IQCM: variants seen among roughly 807,000 people sequenced by gnomAD.
IQCM encodes IQ motif containing M.
Under a neutral mutation model 57.6 loss-of-function variants are expected in IQCM, and 45 were observed. The ratio of observed to expected loss-of-function variants is 0.78; its 90% CI spans 0.62 to 1.00. The LOEUF (loss-of-function observed/expected upper bound fraction) is 1.00. Among genes scored for constraint, IQCM ranks in the 50% least tolerant of loss-of-function variants. The pLI, the probability that IQCM is intolerant of heterozygous loss-of-function variation, is 0.00. For synonymous variants in IQCM, 148 were observed against 158.9 expected (o/e 0.93, Z 0.51); for missense variants, 468 against 511.6 (o/e 0.91, Z 0.82).
chr4:149,451,226 T>C lies in IQCM; in HGVS notation c.1229-17669A>G, dbSNP rs185855971. ...GGGTCAGGGGAGATGGGGTGATTAA[T>C]GGGTACAAAAAAATAAAAAGAATAA... On this transcript the variant is annotated intron_variant, in intron 12 of 13. Coordinates refer to ENST00000636793, the MANE Select transcript of IQCM (RefSeq NM_001363507.2). Among the ~76,000 whole-genome samples, 11 of 151,804 alleles carry C rather than the reference T, an allele frequency of 7.2e-5. No individual in the cohort carries two copies. In the East Asian group the frequency reaches 1.7e-3, roughly 24 times the overall value.
chr4:149,629,018 A>C (rs1329395574), intron 7 of IQCM, among the ~76,000 whole-genome samples: 1 of 152,202 alleles, frequency 6.6e-6, no homozygotes, highest in Non-Finnish European at 1.5e-5. Flanking sequence ...TTTGCTCAGA[A>C]AACACTTAAC....
chr4:149,474,671 C>G (rs1016635719), intron 12 of IQCM, among the ~76,000 whole-genome samples: 1 of 151,562 alleles, frequency 6.6e-6, no homozygotes, highest in East Asian at 1.9e-4. Context: ...GAGCCGAGAT[C>G]GTGTCCTTGT....
chr4:149,619,174 T>G (rs1756091856), intron 8 of IQCM, among the ~76,000 whole-genome samples: 1 of 148,930 alleles, frequency 6.7e-6, no homozygotes, highest in African/African-American at 2.5e-5. Context: ...AATGAAATCA[T>G]GTATTTTGCA....
chr4:149,602,035 C>CAAAAAAAAA (rs1236897737), intron 8 of IQCM, among the ~76,000 whole-genome samples: 11 of 35,366 alleles, frequency 3.1e-4, no homozygotes, highest in Non-Finnish European at 5.1e-4. Context: ...GCCTGGGCGA[C>CAAAAAAAAA]AAAAAAAAAA....
intron 12 of IQCM, among the ~76,000 whole-genome samples, chr4:149,460,089 T>C (rs1228079792): frequency 6.6e-6 from 1 of 152,182 alleles, no homozygotes; most frequent in African/African-American, 2.4e-5. Flanking sequence ...CTTTGTCTCC[T>C]GTGTTTTTTG....
At chr4:149,633,451 T>A (rs1757464725) in intron 7 of IQCM, among the ~76,000 whole-genome samples, 1 of 152,138 alleles carries the variant, frequency 6.6e-6, no homozygotes, top group African/African-American at 2.4e-5. Flanking sequence ...GTGTTATCTA[T>A]AAAGCTCAGA....
At chr4:149,716,063 G>T (rs949896915) in intron 5 of IQCM, among the ~76,000 whole-genome samples, 7 of 152,200 alleles carry the variant, frequency 4.6e-5, no homozygotes, top group African/African-American at 1.7e-4. Context: ...GCCATCCCCA[G>T]CTCGAAGGTG....
chr4:149,525,444 A>G (rs968549804), intron 12 of IQCM, among the ~76,000 whole-genome samples: 1 of 151,890 alleles, frequency 6.6e-6, no homozygotes, highest in Non-Finnish European at 1.5e-5. Flanking sequence ...TATAACAGAC[A>G]CATGGATAAA....
intron 5 of IQCM, among the ~76,000 whole-genome samples, chr4:149,705,993 G>C (rs1169950104): frequency 6.6e-6 from 1 of 151,740 alleles, no homozygotes; most frequent in Non-Finnish European, 1.5e-5. Context: ...TTATTAATTG[G>C]TTCTCCAGAA....
chr4:149,538,348 A>C (rs946420676), intron 12 of IQCM, among the ~76,000 whole-genome samples: 7 of 151,858 alleles, frequency 4.6e-5, no homozygotes, highest in African/African-American at 1.4e-4. Flanking sequence ...TGTATATTGC[A>C]ACACCTAGAG....
intron 9 of IQCM, among the ~76,000 whole-genome samples, chr4:149,576,588 T>C (rs1044284886): frequency 4.6e-5 from 7 of 152,004 alleles, no homozygotes; most frequent in South Asian, 2.1e-4. Flanking sequence ...TCCTTTTTTA[T>C]GACTGCATAG....
At chr4:149,376,944 T>C (rs916775026) in intron 13 of IQCM, among the ~76,000 whole-genome samples, 34 of 152,210 alleles carry the variant, frequency 2.2e-4, no homozygotes, top group African/African-American at 7.7e-4. Context: ...ATATCTACAA[T>C]TTAATATAAT....
chr4:149,668,623 C>T (rs1214496068), intron 7 of IQCM, among the ~76,000 whole-genome samples: 1 of 152,084 alleles, frequency 6.6e-6, no homozygotes. Flanking sequence ...CAAACCTGCA[C>T]ATTCTGCACG....
chr4:149,725,854 T>C (rs1271672862), intron 5 of IQCM, among the ~76,000 whole-genome samples: 1 of 152,084 alleles, frequency 6.6e-6, no homozygotes, highest in Non-Finnish European at 1.5e-5. Context: ...CCCAAGAGCT[T>C]CTATTTGCTA....
At chr4:149,742,275 C>A (rs1182627370) in intron 3 of IQCM, among the ~76,000 whole-genome samples, 1 of 152,014 alleles carries the variant, frequency 6.6e-6, no homozygotes, top group African/African-American at 2.4e-5. Flanking sequence ...TTTATAAAAT[C>A]ATCACTTGAA....
At chr4:149,681,742 C>T (rs1021320534) in intron 7 of IQCM, among the ~76,000 whole-genome samples, 2 of 151,030 alleles carry the variant, frequency 1.3e-5, no homozygotes, top group Non-Finnish European at 3.0e-5. Context: ...GTTCAAGTTC[C>T]AGAGAGTTCC....
intron 7 of IQCM, among the ~76,000 whole-genome samples, chr4:149,634,930 A>G (rs1757598225): frequency 1.3e-5 from 2 of 152,208 alleles, no homozygotes; most frequent in Admixed American, 1.3e-4. Context: ...TGGATAAAAT[A>G]ATACTGGCCA....
At chr4:149,698,272 T>G (rs993281605) in intron 5 of IQCM, among the ~76,000 whole-genome samples, 2 of 152,064 alleles carry the variant, frequency 1.3e-5, no homozygotes, top group Non-Finnish European at 2.9e-5. Context: ...TTAGCAAAGT[T>G]TACATTTCAT....
intron 2 of IQCM, among the ~76,000 whole-genome samples, chr4:149,789,577 T>C (rs1425415339): frequency 6.6e-6 from 1 of 152,214 alleles, no homozygotes; most frequent in South Asian, 2.1e-4. Context: ...CCAAGCACTT[T>C]GGAAGGCCAA....
Sources: allele counts gnomAD v4.1 joint callset (sites outside exome capture counted in the v4.1 genomes callset), GRCh38; gene constraint gnomAD v4.1.1; transcripts MANE v1.5; gene names NCBI Gene and HGNC (gene_info 2026-07-23, HGNC 2026-07-21).